IVL: variants seen among roughly 807,000 people sequenced by gnomAD.
IVL encodes involucrin.
For synonymous variants in IVL, 257 were observed against 271.0 expected, an observed-to-expected ratio of 0.95 and a Z score of 0.51; for missense variants, 722 against 624.9, an observed-to-expected ratio of 1.16 and a Z score of -1.66.
In IVL at chr1:152,911,381, G is replaced by A. The variant is rs1160023054; in HGVS notation, c.1584G>A (p.Gly528=). The A allele has an allele frequency of 6.2e-7, 1 of 1,612,884 alleles. No homozygotes were observed. Among genetic ancestry groups the A allele is most frequent in the Non-Finnish European group, 8.5e-7 (1 of 1,179,342 alleles). ...TAAAACATCTGGAGCAGCAGGAGGGGCAGCTGAAGGACCTGGAGCAGCAGA... is the reference window on the plus strand; with the variant it reads ...TAAAACATCTGGAGCAGCAGGAGGGACAGCTGAAGGACCTGGAGCAGCAGA... The part of the protein sequence containing the change: ...GQLKHLEQQE[G]QLKDLEQQKG... Residue 528 remains glycine, a synonymous_variant, in exon 2 of 2, where the codon GGG becomes GGA. Coordinates refer to ENST00000368764, the MANE Select transcript of IVL (RefSeq NM_005547.4).
rs768249248 is a variant in IVL, at chr1:152,909,906, C to G, written c.109C>G (p.Pro37Ala). 1.2e-6 allele frequency: 2 copies of G among 1,614,186 alleles called. No individual in the cohort carries two copies. The highest frequency in any genetic ancestry group is 2.2e-5 in the South Asian group (2 of 91,074). ...TACCCATCAGGAGCAAATGAAACAGCCAACTCCACTGCCTCCCCCATGCCA... is the reference window on the plus strand; with the variant it reads ...TACCCATCAGGAGCAAATGAAACAGGCAACTCCACTGCCTCCCCCATGCCA... ...VNTHQEQMKQ[P>A]TPLPPPCQKV... Residue 37 changes from proline (P) to alanine (A), a missense_variant, in exon 2 of 2, where the codon CCA (proline) becomes GCA (alanine). By Grantham distance (27) the Pro-to-Ala change is conservative. Transcript: ENST00000368764.
Position 152,911,548 on chromosome 1 carries a change from A to G in IVL, c.1751A>G (p.His584Arg), listed in dbSNP as rs370441944. Residue 584 changes from histidine (H) to arginine (R), a missense_variant, in exon 2 of 2, where the codon CAT (histidine) becomes CGT (arginine). By Grantham distance (29) the His-to-Arg change is conservative. Coordinates refer to ENST00000368764, the MANE Select transcript of IVL (RefSeq NM_005547.4). ...CAGGAGGTGCAGTGGCCACCCAAAC[A>G]TAAATAACCACCCGCAGTGTCCAGA... is the stretch of plus-strand genomic sequence containing the variant. ...QKQEVQWPPK[H>R]K is the part of the protein sequence containing the mutation. 5 of 1,609,680 alleles carry G rather than the reference A, an allele frequency of 3.1e-6. No homozygotes were observed. The highest frequency in any genetic ancestry group is 1.7e-4 in the Middle Eastern group (1 of 6,000).
Position 152,911,700 on chromosome 1 carries a change from G to T in IVL, c.*145G>T, listed in dbSNP as rs1283419509. On this transcript the variant is annotated 3_prime_UTR_variant, in exon 2 of 2. Transcript: ENST00000368764. ...TCTACATGTCTCTTTAATGGGGTGA[G>T]GGTGGGGGAGAGAGGGAATTATTGT... 2.5e-5 allele frequency: 20 copies of T among 812,338 alleles called. No individual in the cohort carries two copies. Among genetic ancestry groups the T allele is most frequent in the Non-Finnish European group, 3.7e-5 (19 of 512,066 alleles). The allele number at this position is 812,338 out of a possible 1,614,324, so 50.3% of individuals were successfully genotyped here.
chr1:152,909,705 C>G, intron 1 of IVL, 74 bp from the exon 2 acceptor site: 1 of 1,233,876 alleles, frequency 8.1e-7, no homozygotes, highest in Non-Finnish European at 1.1e-6. Flanking sequence ...AAACCAGATA[C>G]TTCTGCAGAT....
At position 152,910,751 on chromosome 1, in the gene IVL, G is replaced by T; in HGVS notation, c.954G>T (p.Gln318His). ...TGGGGCAGCTGAAGCACCTGGAGCA[G>T]CAGGAGGGGCAGCCTAAGCATCTGG... ...QQMGQLKHLE[Q>H]QEGQPKHLEQ... The change falls in exon 2 of 2, where the codon CAG (glutamine) becomes CAT (histidine). Residue 318 changes from glutamine (Q) to histidine (H), a missense_variant. Transcript: ENST00000368764. 6.4e-7 allele frequency: 1 copy of T among 1,550,796 alleles called. No individual in the cohort carries two copies. The highest frequency in any genetic ancestry group is 8.7e-7 in the Non-Finnish European group (1 of 1,146,834).
In IVL at chr1:152,910,586, G is replaced by A. The variant is rs1031977719; in HGVS notation, c.789G>A (p.Leu263=). The change falls in exon 2 of 2, where the codon CTG becomes CTA. Residue 263 remains leucine (L), a synonymous_variant. Coordinates refer to ENST00000368764, the MANE Select transcript of IVL (RefSeq NM_005547.4). The stretch of plus-strand genomic sequence containing the variant: ...TCTCTGAGCAGCAGGAGGGACAGCT[G>A]AAGCACCTGGAGCACCAGGAGGGGC... ...LELSEQQEGQ[L]KHLEHQEGQL... 3 of 1,550,758 alleles carry A rather than the reference G, an allele frequency of 1.9e-6. No homozygotes were observed. The African/African-American group carries it at 4.1e-5, about 21-fold the overall frequency.
rs563496811 is a variant in IVL, at chr1:152,910,938, G to C, written c.1141G>C (p.Gly381Arg). The C allele has an allele frequency of 6.5e-7, 1 of 1,549,720 alleles. No homozygotes were observed. The highest frequency in any genetic ancestry group is 2.4e-5 in the East Asian group (1 of 40,830). ...LQLKQLEKQQ[G>R]QPKHLEEEEG... ...GCTGAAGCAGCTAGAGAAGCAGCAG[G>C]GGCAGCCAAAGCACCTGGAGGAGGA... The change falls in exon 2 of 2, where the codon GGG (glycine) becomes CGG (arginine). Residue 381 changes from glycine (G) to arginine (R), a missense_variant. Gly to Arg is a moderately radical substitution (Grantham distance 125). Transcript: ENST00000368764.
chr1:152,910,145 T>TCAG lies in IVL; in HGVS notation c.353_355dup (p.Gln118dup). The TCAG allele has an allele frequency of 6.2e-7, 1 of 1,613,508 alleles. No homozygotes were observed. The highest frequency in any genetic ancestry group is 8.5e-7 in the Non-Finnish European group (1 of 1,179,900). On this transcript the variant is annotated inframe_insertion, in exon 2 of 2. Coordinates refer to ENST00000368764, the MANE Select transcript of IVL (RefSeq NM_005547.4). ...TTAAGCAGGAGAAAACACAAAGGGA[T>TCAG]CAGCAGCTAAACAAACAGCTGGAAG...
Position 152,911,447 on chromosome 1 carries a change from C to A in IVL, c.1650C>A (p.Gly550=). 5 of 1,614,142 alleles carry A rather than the reference C, an allele frequency of 3.1e-6. No individual in the cohort carries two copies. Among genetic ancestry groups the A allele is most frequent in the Non-Finnish European group, 4.2e-6 (5 of 1,180,014 alleles). ...AGCCTGTGTTTGCCCCAGCTCCAGG[C>A]CAGGTCCAAGACATTCAACCAGCCC... ...LEQPVFAPAP[G]QVQDIQPALP... The change falls in exon 2 of 2, where the codon GGC becomes GGA. Residue 550 remains glycine, a synonymous_variant. Coordinates refer to ENST00000368764, the MANE Select transcript of IVL (RefSeq NM_005547.4).
chr1:152,910,875 G>T lies in IVL; in HGVS notation c.1078G>T (p.Glu360Ter), dbSNP rs1186705411. Residue 360 changes from glutamate (E) to a stop codon, truncating the protein, a stop_gained, in exon 2 of 2, where the codon GAA (glutamate) becomes TAA (stop). Coordinates refer to ENST00000368764, the MANE Select transcript of IVL (RefSeq NM_005547.4). LOFTEE classifies it low-confidence loss of function (END_TRUNC). The stretch of plus-strand genomic sequence containing the variant: ...GCAGCTGGAGCACCTGGAGCACCAG[G>T]AAGGGCAGCTGGGGCTCCCAGAGCA... The part of the protein sequence containing the change: ...EGQLEHLEHQ[E>*]GQLGLPEQQV... 1 of 1,551,076 alleles carries T rather than the reference G, an allele frequency of 6.4e-7. No homozygotes were observed.
rs776607366 is a variant in IVL, at chr1:152,911,516, G to A, written c.1719G>A (p.Gln573=). The A allele has an allele frequency of 6.2e-7, 1 of 1,613,864 alleles. No individual in the cohort carries two copies. The highest frequency in any genetic ancestry group is 2.2e-5 in the East Asian group (1 of 44,878). Residue 573 remains glutamine, a synonymous_variant, in exon 2 of 2, where the codon CAG becomes CAA. Coordinates refer to ENST00000368764, the MANE Select transcript of IVL (RefSeq NM_005547.4). The part of the protein sequence containing the change: ...GEVLLPVEHQ[Q]QKQEVQWPPK... Reference sequence around the variant, plus strand: ...TATTGCTTCCTGTAGAGCACCAGCAGCAGAAGCAGGAGGTGCAGTGGCCAC... The same window carrying A: ...TATTGCTTCCTGTAGAGCACCAGCAACAGAAGCAGGAGGTGCAGTGGCCAC...
chr1:152,909,585 C>A (rs1333051952), intron 1 of IVL, among the ~76,000 whole-genome samples, 194 bp from the exon 2 acceptor site: 1 of 152,136 alleles, frequency 6.6e-6, no homozygotes, highest in Non-Finnish European at 1.5e-5. Context: ...CCTAGGAGGA[C>A]CTTTCTCTGC....
chr1:152,909,667 C>G (rs1649880473), intron 1 of IVL, 112 bp from the exon 2 acceptor site: 1 of 782,882 alleles, frequency 1.3e-6, no homozygotes, highest in African/African-American at 1.7e-5. Flanking sequence ...AGAACAGTAC[C>G]CTGCCCAAGG....
At position 152,911,849 on chromosome 1, in the gene IVL, A is replaced by G. The variant is rs971708997; in HGVS notation, c.*294A>G. On this transcript the variant is annotated 3_prime_UTR_variant, in exon 2 of 2. Transcript: ENST00000368764. ...TGAAGCTGAATCAGTGAGTGTGTACAATGATACATAATAAATCCTGGAAGT... is the reference window on the plus strand; with the variant it reads ...TGAAGCTGAATCAGTGAGTGTGTACGATGATACATAATAAATCCTGGAAGT... 3 of 365,926 alleles carry G rather than the reference A, an allele frequency of 8.2e-6. No homozygotes were observed. Among genetic ancestry groups the G allele is most frequent in the African/African-American group, 6.3e-5 (3 of 47,850 alleles). 22.7% of individuals were successfully genotyped at this position (365,926 alleles called of 1,614,324 possible). A position where few individuals can be genotyped will look rare whatever the true frequency, so the allele number is the denominator to read the frequency against.
rs777790813 is a variant in IVL, at chr1:152,910,799, G to C, written c.1002G>C (p.Glu334Asp). The C allele has an allele frequency of 1.5e-5, 23 of 1,550,816 alleles. No homozygotes were observed. The highest frequency in any genetic ancestry group is 1.7e-4 in the Middle Eastern group (1 of 5,776). Reference sequence around the variant, plus strand: ...TGGAGCAGCAGGAGGGGCAACTGGAGCAGCTGGAGGAGCAGGAGGGGCAGC... The same window carrying C: ...TGGAGCAGCAGGAGGGGCAACTGGACCAGCTGGAGGAGCAGGAGGGGCAGC... ...KHLEQQEGQL[E>D]QLEEQEGQLK... Residue 334 changes from glutamate to aspartate, a missense_variant, in exon 2 of 2, where the codon GAG (glutamate) becomes GAC (aspartate). Physicochemically the swap from Glu to Asp is conservative, Grantham distance 45. Coordinates refer to ENST00000368764, the MANE Select transcript of IVL (RefSeq NM_005547.4).
At position 152,910,823 on chromosome 1, in the gene IVL, G is replaced by C. The variant is rs1208977433; in HGVS notation, c.1026G>C (p.Gln342His). 2.6e-6 allele frequency: 4 copies of C among 1,550,824 alleles called. No homozygotes were observed. The highest frequency in any genetic ancestry group is 2.6e-6 in the Non-Finnish European group (3 of 1,147,070). Reference sequence around the variant, plus strand: ...AGCAGCTGGAGGAGCAGGAGGGGCAGCTGAAGCACCTGGAGCAGCAGGAGG... The same window carrying C: ...AGCAGCTGGAGGAGCAGGAGGGGCACCTGAAGCACCTGGAGCAGCAGGAGG... ...QLEQLEEQEGQLKHLEQQEGQ... is the reference protein window; with the variant it reads ...QLEQLEEQEGHLKHLEQQEGQ... The change falls in exon 2 of 2, where the codon CAG (glutamine) becomes CAC (histidine). Residue 342 changes from glutamine (Q) to histidine (H), a missense_variant. Coordinates refer to ENST00000368764, the MANE Select transcript of IVL (RefSeq NM_005547.4).
chr1:152,909,939 C>T lies in IVL; in HGVS notation c.142C>T (p.Pro48Ser), dbSNP rs766833503. ...ACTGCCTCCCCCATGCCAGAAGGTG[C>T]CTGTCGAGCTCCCAGTGGAGGTCCC... ...TPLPPPCQKV[P>S]VELPVEVPSK... The change falls in exon 2 of 2, where the codon CCT (proline) becomes TCT (serine). Residue 48 changes from proline to serine, a missense_variant. Transcript: ENST00000368764. 10 of 1,614,024 alleles carry T rather than the reference C, an allele frequency of 6.2e-6. No homozygotes were observed. The East Asian group carries it at 8.9e-5, about 14-fold the overall frequency.
At chr1:152,908,714 T>G (rs1649840949) in intron 1 of IVL, 125 bp downstream of exon 1, 1 of 152,348 alleles carries the variant, frequency 6.6e-6, no homozygotes, top group Non-Finnish European at 1.5e-5. Flanking sequence ...TGGACTTTCA[T>G]TCTAGGGGGA....
chr1:152,910,850 GC>G lies in IVL; in HGVS notation c.1054del (p.Gln352SerfsTer22), dbSNP rs1557865037. On this transcript the variant is annotated frameshift_variant, in exon 2 of 2. Transcript: ENST00000368764. LOFTEE classifies it low-confidence loss of function (END_TRUNC). Reference sequence around the variant, plus strand: ...TGAAGCACCTGGAGCAGCAGGAGGGGCAGCTGGAGCACCTGGAGCACCAGGA... The same window carrying G: ...TGAAGCACCTGGAGCAGCAGGAGGGGAGCTGGAGCACCTGGAGCACCAGGA... The part of the protein sequence containing the change: ...QLKHLEQQEG[Q>X]LEHLEHQEGQ... The G allele has an allele frequency of 6.4e-7, 1 of 1,550,630 alleles. No individual in the cohort carries two copies. The highest frequency in any genetic ancestry group is 8.7e-7 in the Non-Finnish European group (1 of 1,146,984).
Sources: gnomAD v4.1 joint callset for allele counts (sites outside exome capture counted in the v4.1 genomes callset) on GRCh38, gnomAD v4.1.1 for gene constraint, MANE v1.5 for transcripts, NCBI Gene and HGNC (gene_info 2026-07-23, HGNC 2026-07-21) for gene names.